The following SPATA13 variants were observed in gnomAD, a reference collection of about 807,000 sequenced individuals.
SPATA13 encodes spermatogenesis-associated protein 13.
In SPATA13, 50 loss-of-function variants were observed where a neutral mutation model predicts 104.0. The ratio of observed to expected loss-of-function variants is 0.48; its 90% CI spans 0.38 to 0.61. The LOEUF (loss-of-function observed/expected upper bound fraction) is 0.61. Among genes scored for constraint, SPATA13 ranks in the 20% least tolerant of loss-of-function variants. The pLI is 0.00. For synonymous variants in SPATA13, 606 were observed against 667.5 expected (o/e 0.91, Z 1.42); for missense variants, 1,524 against 1,690.6 (o/e 0.90, Z 1.73).
chr13:24,139,609 A>G (rs1236844238), intron 3 of SPATA13, among the ~76,000 whole-genome samples: 1 of 152,224 alleles, frequency 6.6e-6, no homozygotes. Flanking sequence ...TTGGTTGTTA[A>G]GATTTCAGAA....
chr13:24,042,070 G>T (rs561202823), intron 3 of SPATA13, among the ~76,000 whole-genome samples: 1 of 152,324 alleles, frequency 6.6e-6, no homozygotes, highest in African/African-American at 2.4e-5. Flanking sequence ...AAGGCAGGTG[G>T]ACCAACTCTA....
intron 3 of SPATA13, among the ~76,000 whole-genome samples, chr13:24,080,233 G>T (rs964895278): frequency 6.6e-6 from 1 of 152,100 alleles, no homozygotes; most frequent in African/African-American, 2.4e-5. Context: ...AAACAGCAGC[G>T]CCTAGAATCA....
Position 24,303,087 on chromosome 13 carries a change from C to T in SPATA13, c.*314C>T, listed in dbSNP as rs183812171. 1.8e-3 allele frequency: 731 copies of T among 416,690 alleles called. 3 individuals are homozygous for T. Among genetic ancestry groups the T allele is most frequent in the Non-Finnish European group, 2.5e-3 (548 of 220,422 alleles). 25.8% of individuals were successfully genotyped at this position (416,690 alleles called of 1,614,324 possible). ...TGATTAGGCAGCAGCTGAAGCCACC[C>T]CTGCTGATGATGAGCAAGTGCCTGC... On this transcript the variant is annotated 3_prime_UTR_variant, in exon 13 of 13. Coordinates refer to ENST00000382108, the MANE Select transcript of SPATA13 (RefSeq NM_001166271.3).
chr13:24,138,038 C>T (rs1018584877), intron 3 of SPATA13, among the ~76,000 whole-genome samples: 1 of 151,858 alleles, frequency 6.6e-6, no homozygotes, highest in African/African-American at 2.4e-5. Context: ...TAGTGGCTCG[C>T]GCATGTAATC....
rs9580900 is a variant in SPATA13, at chr13:24,229,346, T to C, written c.1653+4764T>C. ...GCAGTCTCTTGGCACATGTTTCTAGTTGAGTTGGGACCCTGGCTCTATTAT... is the reference window on the plus strand; with the variant it reads ...GCAGTCTCTTGGCACATGTTTCTAGCTGAGTTGGGACCCTGGCTCTATTAT... On this transcript the variant is annotated intron_variant, in intron 2 of 12. Transcript: ENST00000382108. Among the ~76,000 whole-genome samples, 840 of 152,294 alleles carry C rather than the reference T, an allele frequency of 5.5e-3. 6 individuals are homozygous for C. Among genetic ancestry groups the C allele is most frequent in the African/African-American group, 0.02 (814 of 41,544 alleles).
chr13:24,055,671 T>G (rs1415757161), intron 3 of SPATA13, among the ~76,000 whole-genome samples: 1 of 152,194 alleles, frequency 6.6e-6, no homozygotes, highest in African/African-American at 2.4e-5. Context: ...CTGTGGGACT[T>G]TACTCGCCAG....
chr13:23,987,388 C>G (rs1322438774), intron 2 of SPATA13, among the ~76,000 whole-genome samples: 1 of 152,064 alleles, frequency 6.6e-6, no homozygotes, highest in Non-Finnish European at 1.5e-5. Flanking sequence ...ATCAATAGTT[C>G]CCATGATGGT....
At chr13:23,996,060 G>A (rs1255364039) in intron 2 of SPATA13, among the ~76,000 whole-genome samples, 1 of 152,150 alleles carries the variant, frequency 6.6e-6, no homozygotes, top group Non-Finnish European at 1.5e-5. Flanking sequence ...CAGTGTGTTG[G>A]AGTCTCTGAG....
At chr13:24,225,003 G>A (rs2138615376) in intron 2 of SPATA13, among the ~76,000 whole-genome samples, 1 of 152,332 alleles carries the variant, frequency 6.6e-6, no homozygotes, top group South Asian at 2.1e-4. Context: ...AATTCTTTCT[G>A]TTAAGAGACT....
chr13:23,993,379 T>A (rs1875504726), intron 2 of SPATA13, among the ~76,000 whole-genome samples: 1 of 152,230 alleles, frequency 6.6e-6, no homozygotes, highest in Non-Finnish European at 1.5e-5. Context: ...CTGAAGTAAG[T>A]GGTGTTAAAG....
rs761633111 is a variant in SPATA13 at position 24,224,153 on chromosome 13, C to T, written c.1224C>T (p.Ala408=). The change falls in exon 2 of 13, where the codon GCC becomes GCT. Residue 408 remains alanine, a synonymous_variant. Transcript: ENST00000382108. ...SKGPHLDADT[A]VFPLETKSSW... ...GGCCCCACCTAGACGCTGACACTGC[C>T]GTATTTCCTCTTGAAACCAAAAGTT... 5 of 1,551,774 alleles carry T rather than the reference C, an allele frequency of 3.2e-6. No individual in the cohort carries two copies. In the South Asian group the frequency reaches 4.8e-5, roughly 15 times the overall value.
intron 3 of SPATA13, among the ~76,000 whole-genome samples, chr13:24,059,593 C>G (rs1330688561): frequency 2.0e-5 from 3 of 152,202 alleles, no homozygotes; most frequent in Non-Finnish European, 2.9e-5. Context: ...AGGACAGATA[C>G]TTTCATTTCC....
chr13:24,214,691 C>T (rs1158719195), intron 1 of SPATA13, among the ~76,000 whole-genome samples: 2 of 152,188 alleles, frequency 1.3e-5, no homozygotes, highest in African/African-American at 2.4e-5. Flanking sequence ...CACTGGGTTC[C>T]CTGCATCTGT....
At chr13:24,222,778 G>A (rs1441815343) in intron 1 of SPATA13, 41 bp from the exon 2 acceptor site, 15 of 1,477,018 alleles carry the variant, frequency 1.0e-5, no homozygotes, top group African/African-American at 1.4e-5. Context: ...GGGCTACTGC[G>A]TGGGAAATGG....
chr13:24,231,234 C>T (rs746552945), intron 2 of SPATA13, among the ~76,000 whole-genome samples: 2 of 152,218 alleles, frequency 1.3e-5, no homozygotes, highest in Non-Finnish European at 2.9e-5. Flanking sequence ...TTTCACCACC[C>T]CAGAAAGAAG....
At chr13:24,094,014 A>ACT (rs1879990576) in intron 3 of SPATA13, among the ~76,000 whole-genome samples, 1 of 152,212 alleles carries the variant, frequency 6.6e-6, no homozygotes, top group East Asian at 1.9e-4. Context: ...GGATGTAAAC[A>ACT]GTAGATGTCA....
chr13:24,047,984 G>T (rs1878209802), intron 3 of SPATA13, among the ~76,000 whole-genome samples: 1 of 152,222 alleles, frequency 6.6e-6, no homozygotes, highest in African/African-American at 2.4e-5. Context: ...TGACATCCCA[G>T]GGTAGGAGAC....
In SPATA13 at chr13:24,223,066, C is replaced by A; in HGVS notation, c.137C>A (p.Ala46Glu). The change falls in exon 2 of 13, where the codon GCG becomes GAG. Residue 46 changes from alanine (A) to glutamate (E), a missense_variant. Around this residue, in one of 2 missense-constraint regions of SPATA13, gnomAD observed 1,089 missense variants for 1,135.9 expected, o/e 0.96. Coordinates refer to ENST00000382108, the MANE Select transcript of SPATA13 (RefSeq NM_001166271.3). ...GACGCCAAGATGGTGACCTCCCTTG[C>A]GTGTGGAAATGGAGTCTGTGGCTGC... ...LKDAKMVTSL[A>E]CGNGVCGCSP... is the part of the protein sequence containing the mutation. The A allele has an allele frequency of 6.4e-7, 1 of 1,551,746 alleles. No homozygotes were observed. Among genetic ancestry groups the A allele is most frequent in the Non-Finnish European group, 8.7e-7 (1 of 1,147,012 alleles).
chr13:24,201,716 G>A (rs1870415756), intron 1 of SPATA13, among the ~76,000 whole-genome samples: 1 of 152,158 alleles, frequency 6.6e-6, no homozygotes, highest in Admixed American at 6.5e-5. Flanking sequence ...TGAGATGACA[G>A]GTGTGAGCCA....
Sources: allele counts gnomAD v4.1 joint callset (sites outside exome capture counted in the v4.1 genomes callset), GRCh38; gene constraint gnomAD v4.1.1; regional missense constraint gnomAD v4.1.1; transcripts MANE v1.5; gene names NCBI Gene and HGNC (gene_info 2026-07-23, HGNC 2026-07-21).